The following DPP10 variants were observed in gnomAD, a reference collection of about 807,000 sequenced individuals.
The protein encoded by DPP10 is inactive dipeptidyl peptidase 10.
A neutral mutation model predicts 120.9 loss-of-function variants in DPP10; 33 were observed. That is an observed-to-expected ratio of 0.27 (90% CI 0.21 to 0.37). DPP10 has a LOEUF of 0.37. Ranked by LOEUF, DPP10 falls within the 10% of genes least tolerant of loss-of-function variation. The pLI, the probability that DPP10 is intolerant of heterozygous loss-of-function variation, is 1.00. For missense variants in DPP10, 816 were observed against 942.8 expected, an observed-to-expected ratio of 0.87 and a Z score of 1.76; for synonymous variants, 337 against 326.1, an observed-to-expected ratio of 1.03 and a Z score of -0.36.
intron 1 of DPP10, among the ~76,000 whole-genome samples, chr2:115,185,692 A>G (rs1217897302): frequency 1.3e-5 from 2 of 152,226 alleles, no homozygotes; most frequent in Non-Finnish European, 2.9e-5. Flanking sequence ...AATAACATAA[A>G]TACAGATATT....
intron 1 of DPP10, among the ~76,000 whole-genome samples, chr2:115,141,020 C>T (rs2050901252): frequency 6.6e-6 from 1 of 151,798 alleles, no homozygotes; most frequent in Non-Finnish European, 1.5e-5. Flanking sequence ...TGAATTTCCT[C>T]CAGTGGATTA....
intron 1 of DPP10, among the ~76,000 whole-genome samples, chr2:114,489,573 C>T (rs938184854): frequency 2.0e-5 from 3 of 152,154 alleles, no homozygotes; most frequent in Non-Finnish European, 4.4e-5. Flanking sequence ...AGCCTTTGTC[C>T]CATTGCGACA....
intron 3 of DPP10, among the ~76,000 whole-genome samples, chr2:115,364,284 A>G (rs10181696): frequency 0.66 from 100,579 of 151,642 alleles, 33,908 homozygotes; most frequent in Admixed American, 0.75. Context: ...TGCCTTCCCT[A>G]CTGTGCTTAA....
chr2:114,583,143 TCC>T (rs1436840859), intron 1 of DPP10, among the ~76,000 whole-genome samples: 1 of 152,234 alleles, frequency 6.6e-6, no homozygotes, highest in Non-Finnish European at 1.5e-5. Flanking sequence ...TAATTGTATG[TCC>T]CATATTTTGT....
At chr2:114,528,976 C>T (rs775732661) in intron 1 of DPP10, among the ~76,000 whole-genome samples, 8 of 152,064 alleles carry the variant, frequency 5.3e-5, no homozygotes, top group Non-Finnish European at 1.0e-4. Flanking sequence ...GTCCTCTGCC[C>T]TATTCTGCCT....
chr2:115,143,036 A>G lies in DPP10; in HGVS notation c.61-166203A>G, dbSNP rs573788969. ...ATTTCTTTGGTAAACTCTTGTTCCT[A>G]GAAAAAATCCAGCATTTGGCTCCCT... On this transcript the variant is annotated intron_variant, in intron 1 of 25. Coordinates refer to ENST00000410059, the MANE Select transcript of DPP10 (RefSeq NM_020868.6). Among the ~76,000 whole-genome samples the G allele has an allele frequency of 2.0e-5, 3 of 152,278 alleles. No homozygotes were observed. The South Asian group carries it at 6.2e-4, about 32-fold the overall frequency.
At chr2:114,591,172 G>A (rs2105158778) in intron 1 of DPP10, among the ~76,000 whole-genome samples, 1 of 152,338 alleles carries the variant, frequency 6.6e-6, no homozygotes, top group Admixed American at 6.5e-5. Context: ...CATTCGAATG[G>A]GGTAAGGTCT....
At chr2:114,991,013 T>C (rs1296596640) in intron 1 of DPP10, among the ~76,000 whole-genome samples, 1 of 152,190 alleles carries the variant, frequency 6.6e-6, no homozygotes, top group Admixed American at 6.5e-5. Context: ...TTTTGTACAT[T>C]GAAGAACATA....
At chr2:115,441,786 A>G (rs1574855958) in intron 3 of DPP10, among the ~76,000 whole-genome samples, 1 of 145,068 alleles carries the variant, frequency 6.9e-6, no homozygotes, top group East Asian at 2.0e-4. Flanking sequence ...TGTCAGACCT[A>G]TGTCAAGACA....
At chr2:114,507,297 C>T (rs1683758377) in intron 1 of DPP10, among the ~76,000 whole-genome samples, 1 of 152,094 alleles carries the variant, frequency 6.6e-6, no homozygotes, top group Non-Finnish European at 1.5e-5. Context: ...CATCCACATG[C>T]CTCAGCCTCC....
rs78311933 is a variant in DPP10 at position 114,679,305 on chromosome 2, T to C, written c.60+236467T>C. ...CAGAGAGTACTTCCAGAAAGAATGA[T>C]AATTTAGTGTGTGTAAAATCATTTC... On this transcript the variant is annotated intron_variant, in intron 1 of 25. Coordinates refer to ENST00000410059, the MANE Select transcript of DPP10 (RefSeq NM_020868.6). 5.7e-3 allele frequency among the ~76,000 whole-genome samples: 868 copies of C among 152,124 alleles called. 3 individuals carry two copies. The highest frequency in any genetic ancestry group is 9.7e-3 in the Non-Finnish European group (657 of 67,942).
intron 1 of DPP10, among the ~76,000 whole-genome samples, chr2:114,789,461 T>C (rs1280596814): frequency 6.6e-6 from 1 of 152,170 alleles, no homozygotes; most frequent in African/African-American, 2.4e-5. Context: ...GAATAAATGA[T>C]TGATTCTAGA....
chr2:114,760,164 C>T (rs1420316147), intron 1 of DPP10, among the ~76,000 whole-genome samples: 1 of 152,182 alleles, frequency 6.6e-6, no homozygotes. Flanking sequence ...CAGGCAGGTG[C>T]GTCCATCCCC....
chr2:115,806,703 C>T (rs575030562), intron 19 of DPP10, among the ~76,000 whole-genome samples: 1 of 152,260 alleles, frequency 6.6e-6, no homozygotes, highest in Non-Finnish European at 1.5e-5. Flanking sequence ...TTGTCAGCCT[C>T]AGTACGTACT....
chr2:114,637,398 G>C (rs776031800), intron 1 of DPP10, among the ~76,000 whole-genome samples: 1 of 151,880 alleles, frequency 6.6e-6, no homozygotes, highest in African/African-American at 2.4e-5. Flanking sequence ...AGAGCAGGCT[G>C]TCAGGGGAAC....
At chr2:115,122,338 A>G (rs2049867120) in intron 1 of DPP10, among the ~76,000 whole-genome samples, 1 of 152,170 alleles carries the variant, frequency 6.6e-6, no homozygotes, top group Non-Finnish European at 1.5e-5. Context: ...CATTCATCCA[A>G]GGGGCTCTGG....
chr2:115,134,276 A>T (rs537534575), intron 1 of DPP10, among the ~76,000 whole-genome samples: 2 of 152,302 alleles, frequency 1.3e-5, no homozygotes, highest in Admixed American at 6.5e-5. Context: ...TCCTAGTAGG[A>T]GGTTTCATCT....
intron 1 of DPP10, among the ~76,000 whole-genome samples, chr2:114,714,998 G>A (rs1701261673): frequency 6.6e-6 from 1 of 152,092 alleles, no homozygotes; most frequent in Admixed American, 6.6e-5. Flanking sequence ...TCCTTTTCAA[G>A]TTAAAATCAT....
intron 19 of DPP10, among the ~76,000 whole-genome samples, chr2:115,804,047 C>T (rs1236748467): frequency 2.6e-5 from 4 of 152,126 alleles, no homozygotes; most frequent in South Asian, 2.1e-4. Flanking sequence ...GTTCCATTCT[C>T]CCCGTCACTT....
Sources: gnomAD v4.1 joint callset for allele counts (sites outside exome capture counted in the v4.1 genomes callset) on GRCh38, gnomAD v4.1.1 for gene constraint, MANE v1.5 for transcripts, NCBI Gene and HGNC (gene_info 2026-07-23, HGNC 2026-07-21) for gene names.